Variants in NAA11 observed in about 807,000 individuals in gnomAD.
NAA11 encodes the protein N-alpha-acetyltransferase 11, NatA catalytic subunit.
Under a neutral mutation model 16.1 loss-of-function variants are expected in NAA11, and 15 were observed. The ratio of observed to expected loss-of-function variants is 0.93; its 90% CI spans 0.62 to 1.44. The LOEUF is 1.44. Ranked by LOEUF, NAA11 falls within the 40% of genes most tolerant of loss-of-function variation. NAA11 has a pLI of 0.00. For synonymous variants in NAA11, 122 were observed against 112.4 expected, an observed-to-expected ratio of 1.09 and a Z score of -0.54; for missense variants, 298 against 291.3, an observed-to-expected ratio of 1.02 and a Z score of -0.17.
the NAA11 span, among the ~76,000 whole-genome samples, chr4:79,210,141 C>G: frequency 6.6e-6 from 1 of 151,962 alleles, no homozygotes; most frequent in Non-Finnish European, 1.5e-5. Context: ...TTGATTCACT[C>G]GGGTGCGAGT....
chr4:79,169,811 AT>A, the NAA11 span, among the ~76,000 whole-genome samples: 3 of 152,182 alleles, frequency 2.0e-5, no homozygotes, highest in African/African-American at 7.2e-5. Context: ...ATCTGCTCCC[AT>A]GATCCAATCA....
chr4:79,208,428 T>C, the NAA11 span, among the ~76,000 whole-genome samples: 1 of 152,138 alleles, frequency 6.6e-6, no homozygotes, highest in Non-Finnish European at 1.5e-5. Context: ...ATACTTTCTA[T>C]AAAGGACTTC....
At chr4:79,192,451 T>C in the NAA11 span, among the ~76,000 whole-genome samples, 5 of 146,124 alleles carry the variant, frequency 3.4e-5, no homozygotes, top group Middle Eastern at 3.5e-3. Flanking sequence ...ATTGTTCAAT[T>C]CCCACCTATG....
intron 1 of NAA11, among the ~76,000 whole-genome samples, chr4:79,304,630 A>G (rs1723511000): frequency 6.6e-6 from 1 of 152,196 alleles, no homozygotes; most frequent in African/African-American, 2.4e-5. Flanking sequence ...TTTCAAAGAA[A>G]TTATATGATT....
intron 1 of NAA11, among the ~76,000 whole-genome samples, chr4:79,306,009 C>G (rs1038791246): frequency 3.3e-4 from 50 of 152,246 alleles, no homozygotes; most frequent in Admixed American, 3.1e-3. Context: ...CTGGTAAGCC[C>G]TGTTCCAACT....
At chr4:79,178,280 T>C in the NAA11 span, among the ~76,000 whole-genome samples, 1 of 152,204 alleles carries the variant, frequency 6.6e-6, no homozygotes, top group African/African-American at 2.4e-5. Flanking sequence ...ATGTATAAAC[T>C]AGGAAAACGG....
intron 2 of NAA11, among the ~76,000 whole-genome samples, chr4:79,250,413 G>T (rs1362568067): frequency 6.6e-6 from 1 of 152,204 alleles, no homozygotes; most frequent in Non-Finnish European, 1.5e-5. Flanking sequence ...CGCCTGAGAT[G>T]ATTGAGTTCC....
At chr4:79,312,886 T>G (rs1191730914), downstream of NAA11, among the ~76,000 whole-genome samples, 1 of 152,184 alleles carries the variant, frequency 6.6e-6, no homozygotes, top group Non-Finnish European at 1.5e-5. Flanking sequence ...AATAGGAGAT[T>G]AAGTACAGTT....
chr4:79,237,526 T>A (rs1279905622), intron 2 of NAA11, among the ~76,000 whole-genome samples: 1 of 152,232 alleles, frequency 6.6e-6, no homozygotes, highest in Non-Finnish European at 1.5e-5. Context: ...TTACCCATTT[T>A]AAGTATAGAA....
chr4:79,210,958 G>A, the NAA11 span, among the ~76,000 whole-genome samples: 1 of 152,186 alleles, frequency 6.6e-6, no homozygotes, highest in African/African-American at 2.4e-5. Context: ...CTTTTGTGCA[G>A]TGACTTGCAG....
chr4:79,310,703 TACC>T (rs755829003), intron 1 of NAA11, among the ~76,000 whole-genome samples: 16 of 152,330 alleles, frequency 1.1e-4, no homozygotes, highest in South Asian at 4.1e-4. Flanking sequence ...AGGTTTAACC[TACC>T]AACTGGAGGT....
intron 1 of NAA11, among the ~76,000 whole-genome samples, chr4:79,303,786 C>T (rs937198289): frequency 6.6e-6 from 1 of 152,118 alleles, no homozygotes; most frequent in Non-Finnish European, 1.5e-5. Flanking sequence ...AGATTGGCGT[C>T]GGAACCAAAA....
At chr4:79,255,095 A>T (rs1439428825) in intron 2 of NAA11, among the ~76,000 whole-genome samples, 1 of 152,206 alleles carries the variant, frequency 6.6e-6, no homozygotes, top group African/African-American at 2.4e-5. Context: ...GGTTTCATTT[A>T]TAGAAATTTC....
intron 1 of NAA11, chr4:79,306,826 C>T (rs1723595708): frequency 6.6e-6 from 1 of 152,110 alleles, no homozygotes; most frequent in Admixed American, 6.6e-5. Context: ...CATTATTGCT[C>T]TCGTTATGAA....
At chr4:79,309,779 A>G (rs1358552071) in intron 1 of NAA11, among the ~76,000 whole-genome samples, 2 of 137,888 alleles carry the variant, frequency 1.5e-5, no homozygotes, top group Non-Finnish European at 3.0e-5. Flanking sequence ...GCAGTGGCAC[A>G]ATCTCGGCTC....
the NAA11 span, among the ~76,000 whole-genome samples, chr4:79,157,962 G>A: frequency 4.2e-4 from 63 of 149,350 alleles, no homozygotes; most frequent in East Asian, 7.7e-3. Context: ...GTACAGTGGC[G>A]TGATCTCGGC....
the NAA11 span, among the ~76,000 whole-genome samples, chr4:79,158,698 G>GATATATATATATATATATATAT: frequency 4.0e-3 from 446 of 111,896 alleles, 16 homozygotes; most frequent in Middle Eastern, 0.013. Flanking sequence ...CACATTACCT[G>GATATATATATATATATATATAT]ATATATATAT....
At chr4:79,299,122 T>G (rs1363873795) in intron 1 of NAA11, 1 of 152,214 alleles carries the variant, frequency 6.6e-6, no homozygotes, top group Non-Finnish European at 1.5e-5. Context: ...ATTCAACATT[T>G]TTCTTACTTG....
chr4:79,224,349 C>G (rs1721264545), downstream of NAA11, among the ~76,000 whole-genome samples: 1 of 152,126 alleles, frequency 6.6e-6, no homozygotes, highest in African/African-American at 2.4e-5. Flanking sequence ...AGCCCTTTTT[C>G]TGTTCATGTT....
Sources: allele counts gnomAD v4.1 joint callset (sites outside exome capture counted in the v4.1 genomes callset), GRCh38; gene constraint gnomAD v4.1.1; transcripts MANE v1.5; gene names NCBI Gene and HGNC (gene_info 2026-07-23, HGNC 2026-07-21).